The following HTR1E variants were observed in gnomAD, a reference collection of about 807,000 sequenced individuals.
HTR1E encodes 5-HT-1E.
In HTR1E, 3 loss-of-function variants were observed where a neutral mutation model predicts 3.4. That is an observed-to-expected ratio of 0.89 (90% CI 0.41 to 2.31). The LOEUF is 2.31. HTR1E is among the 30% of genes most tolerant of loss of function. The pLI is 0.05. For missense variants in HTR1E, 392 were observed against 467.0 expected (o/e 0.84, Z 1.48); for synonymous variants, 170 against 182.8 (o/e 0.93, Z 0.56).
intron 1 of HTR1E, among the ~76,000 whole-genome samples, chr6:87,008,903 C>A (rs1007087163): frequency 1.3e-5 from 2 of 152,166 alleles, no homozygotes; most frequent in Non-Finnish European, 2.9e-5. Context: ...CGTGTCTCCT[C>A]CTCTAAAAAT....
At chr6:86,942,192 A>T (rs938635450) in intron 1 of HTR1E, among the ~76,000 whole-genome samples, 14 of 152,208 alleles carry the variant, frequency 9.2e-5, no homozygotes, top group African/African-American at 3.4e-4. Context: ...TCTGAGGAAG[A>T]TGGAGGAAGA....
At chr6:86,985,035 G>A (rs1767765121) in intron 1 of HTR1E, among the ~76,000 whole-genome samples, 1 of 152,228 alleles carries the variant, frequency 6.6e-6, no homozygotes. Context: ...GGATGCTGTG[G>A]TAATAATCAA....
intron 1 of HTR1E, among the ~76,000 whole-genome samples, chr6:86,970,218 C>T (rs1187842902): frequency 4.6e-5 from 7 of 152,086 alleles, no homozygotes; most frequent in Non-Finnish European, 1.0e-4. Context: ...AATAAATATA[C>T]AGGGAAGAAA....
At chr6:87,009,500 T>A (rs1768169162) in intron 1 of HTR1E, among the ~76,000 whole-genome samples, 1 of 151,104 alleles carries the variant, frequency 6.6e-6, no homozygotes, top group Non-Finnish European at 1.5e-5. Context: ...TTTCTCAATC[T>A]TTTCCCCACC....
intron 1 of HTR1E, among the ~76,000 whole-genome samples, chr6:87,009,197 AG>A (rs1768163342): frequency 6.6e-6 from 1 of 150,462 alleles, no homozygotes; most frequent in Non-Finnish European, 1.5e-5. Context: ...TCCTAGGCAG[AG>A]GACCCTGCGG....
chr6:86,948,999 C>A (rs2127817203), intron 1 of HTR1E, among the ~76,000 whole-genome samples: 1 of 152,360 alleles, frequency 6.6e-6, no homozygotes, highest in South Asian at 2.1e-4. Flanking sequence ...CTGATCTACA[C>A]TTGACACTGA....
intron 1 of HTR1E, among the ~76,000 whole-genome samples, chr6:86,993,972 G>GA (rs1225277701): frequency 2.0e-5 from 3 of 152,034 alleles, no homozygotes; most frequent in Non-Finnish European, 2.9e-5. Context: ...TTTTACAATG[G>GA]AAAAAAATAC....
At chr6:86,983,999 G>A (rs1767749741) in intron 1 of HTR1E, among the ~76,000 whole-genome samples, 2 of 152,118 alleles carry the variant, frequency 1.3e-5, no homozygotes, top group African/African-American at 2.4e-5. Flanking sequence ...CAATCCCCCT[G>A]ATTAAATTCA....
At chr6:86,987,096 T>C (rs1480535239) in intron 1 of HTR1E, among the ~76,000 whole-genome samples, 1 of 152,086 alleles carries the variant, frequency 6.6e-6, no homozygotes, top group African/African-American at 2.4e-5. Context: ...GGCAAATATA[T>C]AGAATGCATG....
intron 1 of HTR1E, among the ~76,000 whole-genome samples, chr6:86,978,762 A>G (rs529652486): frequency 6.6e-6 from 1 of 152,328 alleles, no homozygotes; most frequent in South Asian, 2.1e-4. Context: ...TTAGGCCTTC[A>G]CAGCTTCCCT....
chr6:87,000,977 C>G (rs1768014629), intron 1 of HTR1E, among the ~76,000 whole-genome samples: 6 of 152,056 alleles, frequency 3.9e-5, no homozygotes, highest in Admixed American at 3.9e-4. Context: ...ATAGAAACAA[C>G]AAAAAGTTTA....
chr6:87,015,937 C>G lies in HTR1E; in HGVS notation c.603C>G (p.Leu201=). 1 of 1,614,092 alleles carries G rather than the reference C, an allele frequency of 6.2e-7. No individual in the cohort carries two copies. Among genetic ancestry groups the G allele is most frequent in the Non-Finnish European group, 8.5e-7 (1 of 1,179,962 alleles). ...TCCCCTTGACTTTGATACTGATTCT[C>G]TATTACCGGATTTACCACGCGGCCA... is the stretch of plus-strand genomic sequence containing the variant. The part of the protein sequence containing the change: ...FYIPLTLILI[L]YYRIYHAAKS... The change falls in exon 2 of 2, where the codon CTC becomes CTG. Residue 201 remains leucine, a synonymous_variant. Coordinates refer to ENST00000305344, the MANE Select transcript of HTR1E (RefSeq NM_000865.3).
At chr6:86,971,033 C>T (rs1767545504) in intron 1 of HTR1E, 2 of 504,774 alleles carry the variant, frequency 4.0e-6, no homozygotes, top group East Asian at 5.5e-5. Flanking sequence ...GAGATCTATA[C>T]TGTTGGAAAA....
At position 87,015,697 on chromosome 6, in the gene HTR1E, C is replaced by G; in HGVS notation, c.363C>G (p.Tyr121Ter). Reference protein sequence around the residue: ...LHLCVIALDRYWAITNAIEYA... With the variant: ...LHLCVIALDR The stretch of plus-strand genomic sequence containing the variant: ...TCTGTGTCATTGCCCTGGACAGGTA[C>G]TGGGCCATCACCAATGCTATTGAAT... The change falls in exon 2 of 2, where the codon TAC (tyrosine) becomes TAG (stop). Residue 121 changes from tyrosine to a stop codon, truncating the protein, a stop_gained. Transcript: ENST00000305344. LOFTEE classifies it low-confidence loss of function (END_TRUNC). 1.2e-6 allele frequency: 2 copies of G among 1,613,846 alleles called. No homozygotes were observed. The highest frequency in any genetic ancestry group is 1.7e-6 in the Non-Finnish European group (2 of 1,179,832).
chr6:86,948,650 C>G (rs1206686646), intron 1 of HTR1E, among the ~76,000 whole-genome samples: 1 of 152,120 alleles, frequency 6.6e-6, no homozygotes, highest in Non-Finnish European at 1.5e-5. Context: ...TCGTTTTTGG[C>G]CCATATCGTT....
chr6:86,946,391 G>T (rs1768617278), intron 1 of HTR1E, among the ~76,000 whole-genome samples: 1 of 152,148 alleles, frequency 6.6e-6, no homozygotes, highest in Admixed American at 6.5e-5. Flanking sequence ...ATGCTGTCTG[G>T]CTTTGTAGCC....
At chr6:86,966,300 T>C (rs1055697227) in intron 1 of HTR1E, among the ~76,000 whole-genome samples, 8 of 152,122 alleles carry the variant, frequency 5.3e-5, no homozygotes, top group African/African-American at 1.9e-4. Flanking sequence ...AAGGAAATAA[T>C]TGAGATATTT....
chr6:86,961,371 T>C (rs906364050), intron 1 of HTR1E, among the ~76,000 whole-genome samples: 1 of 152,262 alleles, frequency 6.6e-6, no homozygotes, highest in Admixed American at 6.5e-5. Context: ...AGAATTTTTT[T>C]AATTTAATTA....
chr6:87,010,395 T>G (rs1249498651), intron 1 of HTR1E, among the ~76,000 whole-genome samples: 1 of 120,700 alleles, frequency 8.3e-6, no homozygotes, highest in Non-Finnish European at 1.7e-5. Flanking sequence ...CCGGACGGGG[T>G]GGCTGGCCGG....
Sources: gnomAD v4.1 joint callset for allele counts (sites outside exome capture counted in the v4.1 genomes callset) on GRCh38, gnomAD v4.1.1 for gene constraint, MANE v1.5 for transcripts, NCBI Gene and HGNC (gene_info 2026-07-23, HGNC 2026-07-21) for gene names.